Variants in ABCB1 observed in about 807,000 individuals in gnomAD.
ABCB1 encodes the protein ATP-dependent translocase ABCB1.
A neutral mutation model predicts 142.0 loss-of-function variants in ABCB1; 69 were observed. That is an observed-to-expected ratio of 0.49 (90% confidence interval 0.40 to 0.59). The LOEUF is 0.59. Ranked by LOEUF, ABCB1 falls within the 20% of genes least tolerant of loss-of-function variation. ABCB1 has a pLI of 0.00. For missense variants in ABCB1, 1,326 were observed against 1,554.7 expected (o/e 0.85, Z 2.47); for synonymous variants, 532 against 539.2 (o/e 0.99, Z 0.18).
intron 3 of ABCB1, among the ~76,000 whole-genome samples, chr7:87,588,141 C>A (rs1295642197): frequency 1.4e-5 from 2 of 144,234 alleles, no homozygotes; most frequent in African/African-American, 5.0e-5. Context: ...AGTTCAGAAC[C>A]TCATATTTCC....
In ABCB1 at chr7:87,628,622, T is replaced by G. The variant is rs928109146; in HGVS notation, c.-330-27544A>C. On this transcript the variant is annotated intron_variant, in intron 1 of 28. Coordinates refer to the ABCB1 transcript ENST00000265724. The stretch of plus-strand genomic sequence containing the variant: ...GTGTGTGTGTGTGTGTGTGTGTGTG[T>G]GTGGAGCTCGGGTGCCAAGGGCGAG... The G allele has an allele frequency of 8.8e-4, 278 of 316,726 alleles. 4 individuals are homozygous for G. Among genetic ancestry groups the G allele is most frequent in the Admixed American group, 3.1e-3 (57 of 18,396 alleles). 19.6% of individuals were successfully genotyped at this position (316,726 alleles called of 1,614,324 possible). A position where few individuals can be genotyped will look rare whatever the true frequency, so the allele number is the denominator to read the frequency against.
intron 1 of ABCB1, among the ~76,000 whole-genome samples, chr7:87,660,791 T>G (rs2130447639): frequency 6.6e-6 from 1 of 152,114 alleles, no homozygotes; most frequent in East Asian, 1.9e-4. Context: ...TTTTAAGTAA[T>G]TTCTACTTGT....
intron 26 of ABCB1, 167 bp from the exon 27 acceptor site, chr7:87,506,210 G>T: frequency 1.5e-6 from 1 of 663,292 alleles, no homozygotes. Flanking sequence ...AGCCCAAAAT[G>T]GCAGGTTTAC....
Position 87,703,885 on chromosome 7 carries a change from CTTTT to C in ABCB1, c.-331+9272_-331+9275del. On this transcript the variant is annotated intron_variant, in intron 1 of 28. Transcript: ENST00000265724. ...CTTAGGTGAGCTTTATCAGTTTTTT[CTTTT>C]TTTTTTTTTTTTTTTTTTTTTTTGG... 8.0e-3 allele frequency among the ~76,000 whole-genome samples: 483 copies of C among 60,214 alleles called. 1 individual carries two copies. The highest frequency in any genetic ancestry group is 0.029 in the African/African-American group (455 of 15,924). The allele number at this position is 60,214 out of a possible 152,430, so 39.5% of individuals were successfully genotyped here. A position where few individuals can be genotyped will look rare whatever the true frequency, so the allele number is the denominator to read the frequency against.
intron 26 of ABCB1, among the ~76,000 whole-genome samples, chr7:87,506,813 T>C (rs562860097): frequency 1.3e-5 from 2 of 152,324 alleles, no homozygotes; most frequent in East Asian, 3.9e-4. Flanking sequence ...GGGTTGCCTA[T>C]TTTTATTTGC....
intron 1 of ABCB1, among the ~76,000 whole-genome samples, chr7:87,622,838 C>G (rs1820273425): frequency 6.6e-6 from 1 of 152,020 alleles, no homozygotes; most frequent in African/African-American, 2.4e-5. Context: ...CATGAGCAAT[C>G]TGGGCAACAT....
intron 1 of ABCB1, among the ~76,000 whole-genome samples, 191 bp from the exon 2 acceptor site, chr7:87,600,381 G>A (rs750912125): frequency 9.9e-5 from 15 of 152,200 alleles, no homozygotes; most frequent in Non-Finnish European, 1.5e-4. Context: ...GCATCTCCAC[G>A]AAGGCAGAGT....
At chr7:87,538,366 C>T (rs1026773831) in intron 19 of ABCB1, among the ~76,000 whole-genome samples, 3 of 152,164 alleles carry the variant, frequency 2.0e-5, no homozygotes. Context: ...CAGTCACTAG[C>T]TAGCAATTCC....
chr7:87,658,096 G>T (rs929426769), intron 1 of ABCB1, among the ~76,000 whole-genome samples: 1 of 152,158 alleles, frequency 6.6e-6, no homozygotes, highest in African/African-American at 2.4e-5. Context: ...TGACAGAGGT[G>T]TTAGAATCAC....
chr7:87,521,904 T>A, intron 21 of ABCB1: 2 of 775,360 alleles, frequency 2.6e-6, no homozygotes, highest in Non-Finnish European at 4.7e-6. Flanking sequence ...AAAGGGGCTT[T>A]GCTTTAGTAA....
intron 5 of ABCB1, 139 bp downstream of exon 5, chr7:87,570,033 T>C (rs901666760): frequency 3.9e-6 from 3 of 760,252 alleles, no homozygotes; most frequent in Non-Finnish European, 6.5e-6. Flanking sequence ...TCTTAAAAAG[T>C]CTACATATAC....
intron 1 of ABCB1, among the ~76,000 whole-genome samples, chr7:87,640,391 C>G (rs1822310166): frequency 1.3e-5 from 2 of 152,076 alleles, no homozygotes; most frequent in African/African-American, 4.8e-5. Context: ...TGCTGTGTTG[C>G]CCAGGCTGGA....
chr7:87,594,936 T>A (rs1329148915), intron 3 of ABCB1, among the ~76,000 whole-genome samples: 1 of 152,198 alleles, frequency 6.6e-6, no homozygotes, highest in Non-Finnish European at 1.5e-5. Context: ...GCTGTTGGAC[T>A]TAATTGGTTT....
intron 4 of ABCB1, among the ~76,000 whole-genome samples, chr7:87,573,621 G>T (rs1343282401): frequency 6.6e-6 from 1 of 151,798 alleles, no homozygotes; most frequent in Non-Finnish European, 1.5e-5. Context: ...TGCTTCCATT[G>T]ATAACCTTCA....
intron 1 of ABCB1, among the ~76,000 whole-genome samples, chr7:87,712,286 T>C (rs1830159976): frequency 6.6e-6 from 1 of 152,088 alleles, no homozygotes. Context: ...AGTGAGATGA[T>C]GATAAAACCT....
At chr7:87,566,711 G>A in intron 6 of ABCB1, 74 bp downstream of exon 6, 1 of 1,421,228 alleles carries the variant, frequency 7.0e-7, no homozygotes, top group Non-Finnish European at 9.9e-7. Context: ...CCTCCTAACA[G>A]ATGTGATGAC....
chr7:87,659,142 A>C (rs1824435483), intron 1 of ABCB1: 1 of 377,162 alleles, frequency 2.7e-6, no homozygotes, highest in Non-Finnish European at 5.2e-6. Flanking sequence ...AGCCTGGGCA[A>C]TAGAATGAGA....
rs2117068992 is a variant in ABCB1 at position 87,509,454 on chromosome 7, G to C, written c.3310C>G (p.Leu1104Val). ...TGTGCTCGGAGCCACTGAACATTCA[G>C]TCGCTTTATTTCTTTGCCATCAAGC... ...VLLDGKEIKR[L>V]NVQWLRAHLG... Residue 1104 changes from leucine to valine, a missense_variant, in exon 26 of 28, where the codon CTG (leucine) becomes GTG (valine). Leu to Val is a conservative substitution (Grantham distance 32). Coordinates refer to ENST00000622132, the MANE Select transcript of ABCB1 (RefSeq NM_001348946.2). The C allele has an allele frequency of 6.2e-7, 1 of 1,614,162 alleles. No homozygotes were observed. The highest frequency in any genetic ancestry group is 8.5e-7 in the Non-Finnish European group (1 of 1,180,032).
Position 87,539,353 on chromosome 7 carries a change from C to T in ABCB1, c.2320-8G>A, listed in dbSNP as rs1401191618. ...TTTGCCAAATGTGAAACCCTGTGGG[C>T]AGGAACATACCTTGTCAGGGACCCA... On this transcript the variant is annotated splice_polypyrimidine_tract_variant and splice_region_variant and intron_variant, in intron 18 of 27. Coordinates refer to ENST00000622132, the MANE Select transcript of ABCB1 (RefSeq NM_001348946.2). 7.4e-6 allele frequency: 12 copies of T among 1,613,758 alleles called. No homozygotes were observed. Among genetic ancestry groups the T allele is most frequent in the Non-Finnish European group, 1.0e-5 (12 of 1,179,774 alleles).
Sources: allele counts gnomAD v4.1 joint callset (sites outside exome capture counted in the v4.1 genomes callset), GRCh38; gene constraint gnomAD v4.1.1; transcripts MANE v1.5; gene names NCBI Gene and HGNC (gene_info 2026-07-23, HGNC 2026-07-21).